The following MAGI3 variants were observed in gnomAD, a reference collection of about 807,000 sequenced individuals.
MAGI3 encodes membrane associated guanylate kinase, WW and PDZ domain containing 3.
In MAGI3, 43 loss-of-function variants were observed where a neutral mutation model predicts 121.8. That is an observed-to-expected ratio of 0.35 (90% CI 0.28 to 0.46). MAGI3 has a LOEUF of 0.46. Among genes scored for constraint, MAGI3 ranks in the 20% least tolerant of loss-of-function variants. The probability of loss-of-function intolerance (pLI) is 1.00; values close to 1 mark genes in which losing one functional copy is unlikely to be tolerated. For synonymous variants in MAGI3, 553 were observed against 639.3 expected (o/e 0.86, Z 2.04); for missense variants, 1,547 against 1,797.3 (o/e 0.86, Z 2.52).
intron 1 of MAGI3, among the ~76,000 whole-genome samples, chr1:113,533,491 C>T (rs1658822444): frequency 6.6e-6 from 1 of 152,114 alleles, no homozygotes; most frequent in Non-Finnish European, 1.5e-5. Context: ...GTAGTATGCT[C>T]ACTGTCTGGG....
At chr1:113,512,283 T>G (rs1657653089) in intron 1 of MAGI3, among the ~76,000 whole-genome samples, 1 of 152,180 alleles carries the variant, frequency 6.6e-6, no homozygotes, top group Admixed American at 6.5e-5. Context: ...TATTATAATG[T>G]TTAGACCTCT....
chr1:113,504,964 T>C (rs1417943065), intron 1 of MAGI3, among the ~76,000 whole-genome samples: 1 of 152,184 alleles, frequency 6.6e-6, no homozygotes, highest in Non-Finnish European at 1.5e-5. Context: ...TCCAATTCTT[T>C]TGTAGAACAG....
intron 1 of MAGI3, among the ~76,000 whole-genome samples, chr1:113,527,632 A>G (rs1464660462): frequency 6.6e-6 from 1 of 152,204 alleles, no homozygotes; most frequent in Non-Finnish European, 1.5e-5. Context: ...CAGCTAGATG[A>G]AAGAAAATCA....
chr1:113,674,476 T>A (rs1011753279), intron 19 of MAGI3, among the ~76,000 whole-genome samples: 3 of 151,510 alleles, frequency 2.0e-5, no homozygotes, highest in Non-Finnish European at 2.9e-5. Context: ...AGGTGATACA[T>A]TAAAAACTTT....
chr1:113,394,715 T>C (rs1650999705), intron 1 of MAGI3, among the ~76,000 whole-genome samples: 1 of 152,174 alleles, frequency 6.6e-6, no homozygotes, highest in Admixed American at 6.5e-5. Flanking sequence ...TGTATTTTAT[T>C]CCAGAGATTA....
chr1:113,642,653 T>A, intron 10 of MAGI3, 137 bp downstream of exon 10: 1 of 951,240 alleles, frequency 1.1e-6, no homozygotes, highest in Admixed American at 2.8e-5. Flanking sequence ...TAAGGTTCTG[T>A]CTGATTGTTT....
At chr1:113,416,383 AAT>A (rs1352314913) in intron 1 of MAGI3, among the ~76,000 whole-genome samples, 25 of 83,962 alleles carry the variant, frequency 3.0e-4, no homozygotes, top group Admixed American at 7.1e-4. Context: ...ATATATTAAT[AAT>A]ATATATTAAT....
At chr1:113,480,762 T>A (rs895719830) in intron 1 of MAGI3, among the ~76,000 whole-genome samples, 2 of 152,204 alleles carry the variant, frequency 1.3e-5, no homozygotes, top group African/African-American at 4.8e-5. Flanking sequence ...AAAGTTTTTT[T>A]TTGTGCATGG....
chr1:113,643,532 T>A (rs1652666584), intron 10 of MAGI3, among the ~76,000 whole-genome samples: 1 of 152,216 alleles, frequency 6.6e-6, no homozygotes, highest in Admixed American at 6.5e-5. Context: ...TAGTTTACCT[T>A]CTCTGTAAGA....
Position 113,642,304 on chromosome 1 carries a change from C to T in MAGI3, c.1754C>T (p.Pro585Leu), listed in dbSNP as rs371155162. Residue 585 changes from proline to leucine, a missense_variant, in exon 10 of 21, where the codon CCT becomes CTT. By Grantham distance (98) the Pro-to-Leu change is moderately conservative. Transcript: ENST00000307546. ...ELVTIPLIKG[P>L]KGFGFAIADS... ...GTGACTATCCCTTTGATTAAGGGCCCTAAAGGGTTTGGGTTTGCAATTGCT... is the reference window on the plus strand; with the variant it reads ...GTGACTATCCCTTTGATTAAGGGCCTTAAAGGGTTTGGGTTTGCAATTGCT... 5 of 1,613,946 alleles carry T rather than the reference C, an allele frequency of 3.1e-6. No homozygotes were observed. The African/African-American group carries it at 5.3e-5, about 17-fold the overall frequency.
At chr1:113,449,836 G>C (rs745741168) in intron 1 of MAGI3, 44 of 1,383,080 alleles carry the variant, frequency 3.2e-5, no homozygotes, top group Non-Finnish European at 4.4e-5. Flanking sequence ...GTGGTAATGA[G>C]AGACCCCCAA....
Position 113,491,873 on chromosome 1 carries a change from A to G in MAGI3, c.317-57642A>G, listed in dbSNP as rs1656685892. ...AACAAGCTCTGAAATTGATTCAGTA[A>G]TAAATAGCCTACCAACCAAAAAGAG... On this transcript the variant is annotated intron_variant, in intron 1 of 20. Coordinates refer to ENST00000307546, the MANE Select transcript of MAGI3 (RefSeq NM_001142782.2). Among the ~76,000 whole-genome samples the G allele has an allele frequency of 3.3e-5, 5 of 152,208 alleles. No individual in the cohort carries two copies. The East Asian group carries it at 9.6e-4, about 29-fold the overall frequency.
At chr1:113,671,624 A>G (rs1007673906) in intron 16 of MAGI3, 110 bp from the exon 17 acceptor site, 29 of 938,254 alleles carry the variant, frequency 3.1e-5, no homozygotes, top group Admixed American at 6.6e-5. Context: ...TAAAGCCACT[A>G]AAGTCAGTAC....
At position 113,673,171 on chromosome 1, in the gene MAGI3, C is replaced by T. The variant is rs1647666163; in HGVS notation, c.3046-151C>T. The T allele has an allele frequency of 4.5e-6, 4 of 898,092 alleles. No individual in the cohort carries two copies. In the South Asian group the frequency reaches 7.2e-5, roughly 16 times the overall value. The allele number at this position is 898,092 out of a possible 1,614,324, so 55.6% of individuals were successfully genotyped here. A position where few individuals can be genotyped will look rare whatever the true frequency, so the allele number is the denominator to read the frequency against. On this transcript the variant is annotated intron_variant, in intron 18 of 20. Coordinates refer to ENST00000307546, the MANE Select transcript of MAGI3 (RefSeq NM_001142782.2). ...GCTGCATTTATAAAAATTAAGTAGC[C>T]CTTTAACCAAAACCTACATTCCTTC...
chr1:113,554,070 G>C (rs1485752791), intron 2 of MAGI3, among the ~76,000 whole-genome samples: 3 of 152,142 alleles, frequency 2.0e-5, no homozygotes, highest in African/African-American at 7.2e-5. Flanking sequence ...AAAATATTCA[G>C]AGTGTCCAGC....
intron 1 of MAGI3, among the ~76,000 whole-genome samples, chr1:113,530,446 G>C (rs933430910): frequency 6.6e-6 from 1 of 152,022 alleles, no homozygotes; most frequent in Non-Finnish European, 1.5e-5. Context: ...GGGCCTATTT[G>C]AGGGTAGAGG....
intron 1 of MAGI3, among the ~76,000 whole-genome samples, chr1:113,545,036 T>G (rs1659465501): frequency 6.7e-6 from 1 of 149,200 alleles, no homozygotes; most frequent in South Asian, 2.1e-4. Context: ...TATTGTCACT[T>G]TTTTTTTTTT....
chr1:113,391,316 C>T lies in MAGI3; in HGVS notation c.283C>T (p.Arg95Cys). The T allele has an allele frequency of 6.3e-7, 1 of 1,598,058 alleles. No homozygotes were observed. The highest frequency in any genetic ancestry group is 8.5e-7 in the Non-Finnish European group (1 of 1,173,200). ...RDTLAVIRHFREPIRLKTVKP... is the reference protein window; with the variant it reads ...RDTLAVIRHFCEPIRLKTVKP... ...CACCCTGGCTGTCATCCGCCACTTC[C>T]GCGAGCCCATCCGTCTCAAGACTGT... The change falls in exon 1 of 21, where the codon CGC becomes TGC. Residue 95 changes from arginine (R) to cysteine (C), a missense_variant. Arg to Cys is a radical substitution (Grantham distance 180). Coordinates refer to ENST00000307546, the MANE Select transcript of MAGI3 (RefSeq NM_001142782.2). This position sits in a 1 kb window ranked among gnomAD's most constrained non-coding sequence, Gnocchi z 4.4.
chr1:113,437,759 TTTTC>T (rs1225463108), intron 1 of MAGI3, among the ~76,000 whole-genome samples: 1 of 150,010 alleles, frequency 6.7e-6, no homozygotes, highest in Non-Finnish European at 1.5e-5. Flanking sequence ...TCTTCTTCAT[TTTTC>T]TTTCTTCTTC....
Sources: allele counts gnomAD v4.1 joint callset (sites outside exome capture counted in the v4.1 genomes callset), GRCh38; gene constraint gnomAD v4.1.1; non-coding constraint Gnocchi (gnomAD v3.1); transcripts MANE v1.5; gene names NCBI Gene and HGNC (gene_info 2026-07-23, HGNC 2026-07-21).